The following LDB1 variants were observed in gnomAD, a reference collection of about 807,000 sequenced individuals.
LDB1 encodes LIM domain-binding protein 1.
In LDB1, 6 loss-of-function variants were observed where a neutral mutation model predicts 49.7. The ratio of observed to expected loss-of-function variants is 0.12; its 90% confidence interval spans 0.07 to 0.24. The LOEUF is 0.24. Ranked by LOEUF, LDB1 falls within the 10% of genes least tolerant of loss-of-function variation. The pLI is 1.00. For missense variants in LDB1, 341 were observed against 561.7 expected, an observed-to-expected ratio of 0.61 and a Z score of 3.97; for synonymous variants, 233 against 202.0, an observed-to-expected ratio of 1.15 and a Z score of -1.30.
chr10:102,111,674 G>C (rs1208305367), intron 1 of LDB1, 138 bp from the exon 2 acceptor site: 1 of 530,266 alleles, frequency 1.9e-6, no homozygotes, highest in Non-Finnish European at 3.3e-6. Flanking sequence ...AACATAGCGA[G>C]ACCTCGTCTC....
intron 1 of LDB1, 24 bp from the exon 2 acceptor site, chr10:102,111,560 T>C (rs779347941): frequency 5.2e-5 from 75 of 1,430,116 alleles, no homozygotes; most frequent in Admixed American, 9.3e-5. Flanking sequence ...AAAGGAGTCA[T>C]AGCTGGGCGC....
downstream of LDB1, among the ~76,000 whole-genome samples, chr10:102,105,907 G>A (rs911769704): frequency 6.6e-6 from 1 of 151,988 alleles, no homozygotes; most frequent in Admixed American, 6.6e-5. Context: ...AACCCAGGAA[G>A]TGGAGGTTGC....
chr10:102,115,753 G>A (rs939314230), intron 1 of LDB1, among the ~76,000 whole-genome samples: 1 of 152,150 alleles, frequency 6.6e-6, no homozygotes, highest in Admixed American at 6.5e-5. Context: ...GTGGTTAGTG[G>A]ATAGGACCTG....
rs969856039 is a variant in LDB1 at position 102,109,963 on chromosome 10, C to G, written c.606G>C (p.Arg202=). ...TGCGGGGGATGAGCTCTCGGTGCTG[C>G]CGGATGCTGAAGTGCCACGTCTTTA... ...MRIKTWHFSI[R]QHRELIPRSI... is the part of the protein sequence containing the mutation. Residue 202 remains arginine (R), a synonymous_variant, in exon 7 of 11, where the codon CGG becomes CGC. Coordinates refer to ENST00000673968, the MANE Select transcript of LDB1 (RefSeq NM_001113407.3). The surrounding 1 kb of genome is among the most constrained non-coding windows in gnomAD (Gnocchi z 5.8). 4 of 1,611,568 alleles carry G rather than the reference C, an allele frequency of 2.5e-6. No homozygotes were observed. Among genetic ancestry groups the G allele is most frequent in the African/African-American group, 1.3e-5 (1 of 74,726 alleles).
chr10:102,112,606 G>A (rs114036744), intron 1 of LDB1, among the ~76,000 whole-genome samples: 1,873 of 65,690 alleles, frequency 0.029, 22 homozygotes, highest in African/African-American at 0.09. Flanking sequence ...CCCCACCCCC[G>A]CCCCCAAGGG....
rs533022828 is a variant in LDB1 at position 102,111,557 on chromosome 10, T to C, written c.26-21A>G. On this transcript the variant is annotated intron_variant, in intron 1 of 10. Coordinates refer to ENST00000673968, the MANE Select transcript of LDB1 (RefSeq NM_001113407.3). ...ACAACCTAGACGAGAAAGAAAGGAG[T>C]CATAGCTGGGCGCGGTGGCTCACAT... 8.2e-6 allele frequency: 12 copies of C among 1,460,454 alleles called. No individual in the cohort carries two copies. In the East Asian group the frequency reaches 2.3e-4, roughly 28 times the overall value. 90.5% of individuals were successfully genotyped at this position (1,460,454 alleles called of 1,614,324 possible). A position where few individuals can be genotyped will look rare whatever the true frequency, so the allele number is the denominator to read the frequency against.
Position 102,111,481 on chromosome 10 carries a change from G to A in LDB1, c.81C>T (p.Asn27=), listed in dbSNP as rs1564913563. The change falls in exon 2 of 11, where the codon AAC becomes AAT. Residue 27 remains asparagine (N), a synonymous_variant. Coordinates refer to ENST00000673968, the MANE Select transcript of LDB1 (RefSeq NM_001113407.3). ...LYSPKEPPNG[N]AFPPFHPGTM... ...TGCCGGGATGGAAGGGGGGAAAGGC[G>A]TTGCCGTTCGGGGGCTCCTTCGGCG... The A allele has an allele frequency of 1.9e-6, 3 of 1,559,900 alleles. No individual in the cohort carries two copies. The highest frequency in any genetic ancestry group is 1.2e-5 in the South Asian group (1 of 82,768).
At chr10:102,113,230 C>T (rs971650460) in intron 1 of LDB1, among the ~76,000 whole-genome samples, 18 of 152,216 alleles carry the variant, frequency 1.2e-4, no homozygotes, top group African/African-American at 4.3e-4. Flanking sequence ...ACTGCACAGT[C>T]TCTGAAGATG....
intron 1 of LDB1, among the ~76,000 whole-genome samples, chr10:102,113,856 G>A (rs1277978670): frequency 6.6e-6 from 1 of 151,758 alleles, no homozygotes; most frequent in Non-Finnish European, 1.5e-5. Flanking sequence ...TGAGGAGCTA[G>A]AGCCCAAAGC....
Position 102,109,031 on chromosome 10 carries a change from G to C in LDB1, c.1003C>G (p.Pro335Ala). 6.2e-7 allele frequency: 1 copy of C among 1,614,240 alleles called. No homozygotes were observed. Among genetic ancestry groups the C allele is most frequent in the Non-Finnish European group, 8.5e-7 (1 of 1,180,042 alleles). ...GAGAAGAAAGCCGAGATGCTTACAG[G>C]TACCTGGCTGGAGAGGGCGAAGGTG... ...ASTFALSSQV[P>A]DVMVVGEPTL... Residue 335 changes from proline (P) to alanine (A), a missense_variant and splice_region_variant, in exon 10 of 11, where the codon CCT (proline) becomes GCT (alanine). Around this residue, in one of 5 missense-constraint regions of LDB1, gnomAD observed 233 missense variants for 385.7 expected, o/e 0.60. Transcript: ENST00000673968. This position sits in a 1 kb window ranked among gnomAD's most constrained non-coding sequence, Gnocchi z 5.8.
chr10:102,114,596 G>T (rs1257779694), intron 1 of LDB1: 2 of 985,144 alleles, frequency 2.0e-6, no homozygotes, highest in Non-Finnish European at 2.4e-6. Flanking sequence ...GGCCCGCCCC[G>T]CGGCGGCCGC....
In LDB1 at chr10:102,111,474, G is replaced by C; in HGVS notation, c.88C>G (p.Pro30Ala). Residue 30 changes from proline (P) to alanine (A), a missense_variant, in exon 2 of 11, where the codon CCC (proline) becomes GCC (alanine). By Grantham distance (27) the Pro-to-Ala change is conservative. Transcript: ENST00000673968. ...PKEPPNGNAF[P>A]PFHPGTMLDR... ...AGCATGGTGCCGGGATGGAAGGGGG[G>C]AAAGGCGTTGCCGTTCGGGGGCTCC... 1 of 1,564,974 alleles carries C rather than the reference G, an allele frequency of 6.4e-7. No homozygotes were observed. The highest frequency in any genetic ancestry group is 8.7e-7 in the Non-Finnish European group (1 of 1,154,382).
rs531661202 is a variant in LDB1, at chr10:102,117,458, A to G, written c.25+2628T>C. On this transcript the variant is annotated intron_variant, in intron 1 of 10. Coordinates refer to ENST00000673968, the MANE Select transcript of LDB1 (RefSeq NM_001113407.3). This position sits in a 1 kb window ranked among gnomAD's most constrained non-coding sequence, Gnocchi z 4.2. ...CAAATAATGACAAAGATGATGAGGG[A>G]AAGTACTCCTCCTGGAGGTGGGGAC... is the stretch of plus-strand genomic sequence containing the variant. Among the ~76,000 whole-genome samples the G allele has an allele frequency of 6.6e-6, 1 of 152,140 alleles. No individual in the cohort carries two copies. Among genetic ancestry groups the G allele is most frequent in the Admixed American group, 6.5e-5 (1 of 15,276 alleles).
At chr10:102,111,617 AGATT>A (rs2068255900) in intron 1 of LDB1, 81 bp from the exon 2 acceptor site, 2 of 756,604 alleles carry the variant, frequency 2.6e-6, no homozygotes, top group South Asian at 2.0e-5. Context: ...CAAGGCAAGA[AGATT>A]GATTGAGCAC....
rs2068162667 is a variant in LDB1 at position 102,106,556 on chromosome 10, A to C, written c.*1537T>G. ...TCAAATGGCCCAAAAAAAAAAAAAAAAAAAAAAAAAAAAAAAAAAAAAAAA... is the reference window on the plus strand; with the variant it reads ...TCAAATGGCCCAAAAAAAAAAAAAACAAAAAAAAAAAAAAAAAAAAAAAAA... On this transcript the variant is annotated 3_prime_UTR_variant, in exon 11 of 11. Transcript: ENST00000673968. Among the ~76,000 whole-genome samples, 1 of 122,700 alleles carries C rather than the reference A, an allele frequency of 8.1e-6. No individual in the cohort carries two copies. The highest frequency in any genetic ancestry group is 3.0e-5 in the African/African-American group (1 of 33,668). 80.5% of individuals were successfully genotyped at this position (122,700 alleles called of 152,430 possible). A position where few individuals can be genotyped will look rare whatever the true frequency, so the allele number is the denominator to read the frequency against.
At chr10:102,116,311 A>G (rs1004460817) in intron 1 of LDB1, among the ~76,000 whole-genome samples, 1 of 152,154 alleles carries the variant, frequency 6.6e-6, no homozygotes, top group Admixed American at 6.5e-5. Flanking sequence ...CCTCCTGAGT[A>G]GCTGAGATTA....
chr10:102,110,257 T>C (rs1301068477), intron 6 of LDB1: 7 of 630,242 alleles, frequency 1.1e-5, no homozygotes, highest in Non-Finnish European at 1.9e-5. Context: ...AACAGATCCT[T>C]GTCCTCTCCC....
At chr10:102,103,878 A>G (rs1371865806), downstream of LDB1, among the ~76,000 whole-genome samples, 1 of 152,026 alleles carries the variant, frequency 6.6e-6, no homozygotes, top group Admixed American at 6.6e-5. Context: ...AACTCCTGAT[A>G]TGGTAAAACC....
chr10:102,114,490 G>T, intron 1 of LDB1: 6 of 986,356 alleles, frequency 6.1e-6, no homozygotes, highest in Non-Finnish European at 7.2e-6. Flanking sequence ...GGCTGACGGG[G>T]GGACAACTTC....
Sources: gnomAD v4.1 joint callset for allele counts (sites outside exome capture counted in the v4.1 genomes callset) on GRCh38, gnomAD v4.1.1 for gene constraint, gnomAD v4.1.1 regional missense constraint, Gnocchi (gnomAD v3.1) non-coding constraint, MANE v1.5 for transcripts, NCBI Gene and HGNC (gene_info 2026-07-23, HGNC 2026-07-21) for gene names.